Variants in FRMD3 observed in about 807,000 individuals in gnomAD.
The protein encoded by FRMD3 is FERM domain-containing protein 3.
Under a neutral mutation model 70.2 loss-of-function variants are expected in FRMD3, and 33 were observed. The observed-to-expected ratio is 0.47, with a 90% CI of 0.36 to 0.63. The LOEUF (loss-of-function observed/expected upper bound fraction) is 0.63, where lower values mean the gene tolerates loss of function less well. Among genes scored for constraint, FRMD3 ranks in the 20% least tolerant of loss-of-function variants. The pLI is 0.00. For synonymous variants in FRMD3, 279 were observed against 255.9 expected (o/e 1.09, Z -0.86); for missense variants, 632 against 711.4 (o/e 0.89, Z 1.27).
the FRMD3 span, among the ~76,000 whole-genome samples, chr9:83,544,863 C>G: frequency 2.6e-5 from 4 of 152,024 alleles, no homozygotes; most frequent in Admixed American, 6.6e-5. Context: ...TACAGTCATC[C>G]TCAAAGAAGA....
At chr9:83,500,678 A>G (rs926872983) in intron 1 of FRMD3, among the ~76,000 whole-genome samples, 8 of 152,198 alleles carry the variant, frequency 5.3e-5, no homozygotes, top group African/African-American at 1.9e-4. Context: ...GGGAGCCCCA[A>G]TGCATATCTG....
chr9:83,529,867 G>A (rs1241176222), intron 1 of FRMD3, among the ~76,000 whole-genome samples: 1 of 152,090 alleles, frequency 6.6e-6, no homozygotes, highest in African/African-American at 2.4e-5. Context: ...ATATACAAAT[G>A]GCTAATAGAC....
chr9:83,542,108 T>G (rs1429689288), upstream of FRMD3, among the ~76,000 whole-genome samples: 10 of 152,068 alleles, frequency 6.6e-5, no homozygotes, highest in Admixed American at 6.6e-4. Context: ...CTTGAGGCAT[T>G]AGAATGTCAG....
chr9:83,515,659 C>A (rs1285243144), intron 1 of FRMD3, among the ~76,000 whole-genome samples: 1 of 152,162 alleles, frequency 6.6e-6, no homozygotes, highest in Admixed American at 6.5e-5. Context: ...CCCCAAGACA[C>A]ATAATCTTCA....
At chr9:83,527,333 C>G (rs1206792054) in intron 1 of FRMD3, among the ~76,000 whole-genome samples, 1 of 152,216 alleles carries the variant, frequency 6.6e-6, no homozygotes, top group Non-Finnish European at 1.5e-5. Context: ...CAAACAGAAT[C>G]ATTCCATACC....
chr9:83,552,442 C>T, the FRMD3 span, among the ~76,000 whole-genome samples: 1 of 152,072 alleles, frequency 6.6e-6, no homozygotes, highest in Non-Finnish European at 1.5e-5. Context: ...GAAGAATATA[C>T]ATTCTGTTGT....
At chr9:83,398,026 G>T (rs1202452610) in intron 1 of FRMD3, among the ~76,000 whole-genome samples, 1 of 152,154 alleles carries the variant, frequency 6.6e-6, no homozygotes, top group Non-Finnish European at 1.5e-5. Context: ...GAACTAAATA[G>T]TTCTGCTTTT....
At chr9:83,353,296 C>T (rs918474193) in intron 3 of FRMD3, among the ~76,000 whole-genome samples, 1 of 148,742 alleles carries the variant, frequency 6.7e-6, no homozygotes, top group Non-Finnish European at 1.5e-5. Context: ...GGAGGGGGGG[C>T]ACTTTTTCTT....
intron 12 of FRMD3, among the ~76,000 whole-genome samples, chr9:83,294,769 C>T (rs1834591828): frequency 6.6e-6 from 1 of 152,314 alleles, no homozygotes; most frequent in African/African-American, 2.4e-5. Context: ...CTATGCTGCA[C>T]ACTGCCTTTC....
intron 13 of FRMD3, among the ~76,000 whole-genome samples, chr9:83,268,917 C>G (rs1283096016): frequency 6.6e-6 from 1 of 152,160 alleles, no homozygotes; most frequent in Non-Finnish European, 1.5e-5. Flanking sequence ...CTTTGCAATT[C>G]CCCCTGATTA....
intron 1 of FRMD3, among the ~76,000 whole-genome samples, chr9:83,531,265 T>C (rs113125718): frequency 2.0e-3 from 305 of 152,320 alleles, no homozygotes; most frequent in Middle Eastern, 0.01. Context: ...ATGTCCTTAA[T>C]GTTAAAGCCA....
At chr9:83,243,291 G>C, downstream of FRMD3, 1 of 1,418,804 alleles carries the variant, frequency 7.0e-7, no homozygotes, top group Middle Eastern at 1.7e-4. Flanking sequence ...AGTAAGCAGC[G>C]ACCTTCAGCA....
chr9:83,314,748 T>A (rs1431472359), intron 6 of FRMD3, among the ~76,000 whole-genome samples: 1 of 152,178 alleles, frequency 6.6e-6, no homozygotes, highest in African/African-American at 2.4e-5. Context: ...TTCATCATGA[T>A]CCGCACAGTG....
chr9:83,365,316 C>G (rs1368808976), intron 3 of FRMD3, among the ~76,000 whole-genome samples: 1 of 152,106 alleles, frequency 6.6e-6, no homozygotes, highest in Non-Finnish European at 1.5e-5. Context: ...TTTATCTACT[C>G]TACAACAATG....
rs761983764 is a variant in FRMD3 at position 83,407,837 on chromosome 9, GTCTCTC to G, written c.148-18135_148-18130del. Among the ~76,000 whole-genome samples the G allele has an allele frequency of 5.4e-3, 562 of 103,644 alleles. 7 individuals are homozygous for G. The highest frequency in any genetic ancestry group is 0.016 in the East Asian group (46 of 2,868). The allele number at this position is 103,644 out of a possible 152,430, so 68.0% of individuals were successfully genotyped here. A position where few individuals can be genotyped will look rare whatever the true frequency, so the allele number is the denominator to read the frequency against. ...GCCAGCAGAGGAGGGGGGTTGTTGA[GTCTCTC>G]TCTCTCTCTCTCTCTCTCTCTCTCT... On this transcript the variant is annotated intron_variant, in intron 1 of 13. Transcript: ENST00000304195.
At position 83,282,915 on chromosome 9, in the gene FRMD3, T is replaced by C. The variant is rs554722828; in HGVS notation, c.1195+7688A>G. Reference sequence around the variant, plus strand: ...CAAGATAAGGTGCACTGAGTTTGCATCAGGAACAAGGCATTGAGCTTCCTT... The same window carrying C: ...CAAGATAAGGTGCACTGAGTTTGCACCAGGAACAAGGCATTGAGCTTCCTT... On this transcript the variant is annotated intron_variant, in intron 13 of 13. Coordinates refer to ENST00000304195, the MANE Select transcript of FRMD3 (RefSeq NM_174938.6). 3.9e-5 allele frequency among the ~76,000 whole-genome samples: 6 copies of C among 152,250 alleles called. No individual in the cohort carries two copies. The South Asian group carries it at 6.2e-4, about 16-fold the overall frequency.
intron 1 of FRMD3, among the ~76,000 whole-genome samples, chr9:83,398,903 AGTT>A (rs761292708): frequency 2.0e-5 from 3 of 152,210 alleles, no homozygotes; most frequent in Non-Finnish European, 2.9e-5. Context: ...CAAAATCAAT[AGTT>A]GCCTGAAAGT....
chr9:83,434,896 G>A (rs1194301636), intron 1 of FRMD3, among the ~76,000 whole-genome samples: 12 of 137,948 alleles, frequency 8.7e-5, no homozygotes, highest in Admixed American at 1.7e-4. Context: ...GCACGATCTC[G>A]GCTCACTGCA....
chr9:83,528,680 C>T (rs563373780), intron 1 of FRMD3, among the ~76,000 whole-genome samples: 1 of 152,164 alleles, frequency 6.6e-6, no homozygotes, highest in South Asian at 2.1e-4. Context: ...CAGGCACGCA[C>T]CAAGCCCAGC....
Sources: gnomAD v4.1 joint callset for allele counts (sites outside exome capture counted in the v4.1 genomes callset) on GRCh38, gnomAD v4.1.1 for gene constraint, MANE v1.5 for transcripts, NCBI Gene and HGNC (gene_info 2026-07-23, HGNC 2026-07-21) for gene names.